The following ERBB4 variants were observed in gnomAD, a reference collection of about 807,000 sequenced individuals.
ERBB4 encodes erb-b2 receptor tyrosine kinase 4, also known as receptor tyrosine-protein kinase erbB-4.
In ERBB4, 42 loss-of-function variants were observed where a neutral mutation model predicts 158.0. The ratio of observed to expected loss-of-function variants is 0.27; its 90% CI spans 0.21 to 0.34. The LOEUF (loss-of-function observed/expected upper bound fraction) is 0.34. ERBB4 is among the 10% of genes least tolerant of loss of function. The pLI is 1.00. For missense variants in ERBB4, 1,333 were observed against 1,624.1 expected (o/e 0.82, Z 3.08); for synonymous variants, 583 against 558.7 (o/e 1.04, Z -0.61).
At chr2:212,504,599 G>A (rs534937505) in intron 1 of ERBB4, among the ~76,000 whole-genome samples, 1 of 152,148 alleles carries the variant, frequency 6.6e-6, no homozygotes. Flanking sequence ...CAATGTCAAC[G>A]TATATTAAAT....
chr2:211,679,122 C>G lies in ERBB4; in HGVS notation c.1552G>C (p.Asp518His), dbSNP rs2072232112. ...AAGCGGCGACACGACAGACATTGGT[C>G]TGGCCCAGGTCCCCAACAGCCATCA... Reference protein sequence around the residue: ...SSDGCWGPGPDQCLSCRRFSR... With the variant: ...SSDGCWGPGPHQCLSCRRFSR... Residue 518 changes from aspartate to histidine, a missense_variant, in exon 13 of 28, where the codon GAC becomes CAC. Coordinates refer to ENST00000342788, the MANE Select transcript of ERBB4 (RefSeq NM_005235.3). The G allele has an allele frequency of 6.2e-7, 1 of 1,613,984 alleles. No individual in the cohort carries two copies. Among genetic ancestry groups the G allele is most frequent in the Non-Finnish European group, 8.5e-7 (1 of 1,179,942 alleles).
At chr2:212,256,275 A>G (rs1206549085) in intron 1 of ERBB4, among the ~76,000 whole-genome samples, 1 of 152,212 alleles carries the variant, frequency 6.6e-6, no homozygotes, top group African/African-American at 2.4e-5. Context: ...ATTTTTATGA[A>G]CATTAATTTT....
intron 1 of ERBB4, among the ~76,000 whole-genome samples, chr2:212,537,158 C>T (rs955417823): frequency 8.8e-6 from 1 of 114,284 alleles, no homozygotes. Context: ...GGCGGCGGAG[C>T]GGGAAAACTA....
chr2:211,503,408 C>T (rs2065666478), intron 20 of ERBB4, among the ~76,000 whole-genome samples: 1 of 152,080 alleles, frequency 6.6e-6, no homozygotes, highest in South Asian at 2.1e-4. Context: ...ACCACATGTC[C>T]CCAGGCCCGC....
Position 211,486,959 on chromosome 2 carries a change from A to G in ERBB4, c.2488-55859T>C, listed in dbSNP as rs1164037732. ...TCATCAGATAATATATTCTTAAAATAATCTATTTTTCTTTAAAATATGTTT... is the reference window on the plus strand; with the variant it reads ...TCATCAGATAATATATTCTTAAAATGATCTATTTTTCTTTAAAATATGTTT... On this transcript the variant is annotated intron_variant, in intron 20 of 27. Transcript: ENST00000342788. 3.9e-5 allele frequency among the ~76,000 whole-genome samples: 6 copies of G among 152,008 alleles called. No homozygotes were observed. In the East Asian group the frequency reaches 9.6e-4, roughly 24 times the overall value.
chr2:212,344,307 T>A (rs1324660778), intron 1 of ERBB4, among the ~76,000 whole-genome samples: 3 of 152,140 alleles, frequency 2.0e-5, no homozygotes, highest in African/African-American at 7.2e-5. Context: ...CTGGCTGGCA[T>A]ACCAGTAGAT....
At chr2:212,038,491 C>T (rs1336876414) in intron 2 of ERBB4, among the ~76,000 whole-genome samples, 3 of 152,030 alleles carry the variant, frequency 2.0e-5, no homozygotes, top group Non-Finnish European at 4.4e-5. Context: ...ACAAAGAGGA[C>T]GGCTGTTCAA....
chr2:212,231,124 A>T (rs1019811587), intron 1 of ERBB4, among the ~76,000 whole-genome samples: 1 of 152,194 alleles, frequency 6.6e-6, no homozygotes, highest in Admixed American at 6.5e-5. Flanking sequence ...GTCTTCCAAA[A>T]GTAACTACTT....
intron 2 of ERBB4, chr2:211,960,784 T>C (rs2081161336): frequency 6.6e-6 from 1 of 152,090 alleles, no homozygotes. Context: ...GAGTCTACTC[T>C]TATGACTTAA....
At chr2:212,151,107 GCTTT>G (rs1185825294) in intron 1 of ERBB4, among the ~76,000 whole-genome samples, 6 of 151,710 alleles carry the variant, frequency 4.0e-5, no homozygotes, top group Non-Finnish European at 7.4e-5. Context: ...ACATAATTAA[GCTTT>G]CTAATTTGCT....
At chr2:211,585,176 C>A (rs2068231650) in intron 19 of ERBB4, among the ~76,000 whole-genome samples, 2 of 152,050 alleles carry the variant, frequency 1.3e-5, no homozygotes, top group South Asian at 4.2e-4. Flanking sequence ...CACGGTGAAA[C>A]CCCGTCTCTA....
intron 1 of ERBB4, among the ~76,000 whole-genome samples, chr2:212,173,023 G>A (rs2081565874): frequency 6.6e-6 from 1 of 152,062 alleles, no homozygotes; most frequent in Admixed American, 6.6e-5. Context: ...ATATTATTAT[G>A]TGGGAAATAT....
intron 4 of ERBB4, among the ~76,000 whole-genome samples, chr2:211,785,771 G>C (rs1211622310): frequency 1.3e-5 from 2 of 151,986 alleles, no homozygotes; most frequent in African/African-American, 4.8e-5. Context: ...GTATGAATAA[G>C]CATATTACTA....
intron 25 of ERBB4, among the ~76,000 whole-genome samples, chr2:211,388,203 A>T (rs2062727805): frequency 6.6e-6 from 1 of 152,222 alleles, no homozygotes; most frequent in African/African-American, 2.4e-5. Context: ...AAATATTTTA[A>T]TTCAATCCCT....
intron 1 of ERBB4, among the ~76,000 whole-genome samples, chr2:212,168,284 G>T (rs2081410556): frequency 6.6e-6 from 1 of 152,068 alleles, no homozygotes; most frequent in South Asian, 2.1e-4. Context: ...TAAAGGAAAA[G>T]AAATATTTCC....
At chr2:211,953,717 TA>T (rs1182283690) in intron 2 of ERBB4, among the ~76,000 whole-genome samples, 62 of 152,164 alleles carry the variant, frequency 4.1e-4, no homozygotes, top group African/African-American at 1.4e-3. Flanking sequence ...AATCGGATAT[TA>T]TTAAAGCCTT....
intron 1 of ERBB4, among the ~76,000 whole-genome samples, chr2:212,497,993 G>A (rs1690672476): frequency 6.6e-6 from 1 of 151,924 alleles, no homozygotes; most frequent in Admixed American, 6.6e-5. Flanking sequence ...CTTTAGATAG[G>A]ACCAGCACTC....
Position 211,840,123 on chromosome 2 carries a change from C to A in ERBB4, c.422-51964G>T, listed in dbSNP as rs182432273. Among the ~76,000 whole-genome samples the A allele has an allele frequency of 2.0e-5, 3 of 151,976 alleles. No individual in the cohort carries two copies. The South Asian group carries it at 6.2e-4, about 32-fold the overall frequency. On this transcript the variant is annotated intron_variant, in intron 3 of 27. Transcript: ENST00000342788. ...TGAATTGTAACTCCCATAATTCCCA[C>A]GTGTTGTGGGAGGGACCTGGTGGGA...
At chr2:211,448,822 T>C (rs2125471686) in intron 20 of ERBB4, among the ~76,000 whole-genome samples, 1 of 152,302 alleles carries the variant, frequency 6.6e-6, no homozygotes, top group South Asian at 2.1e-4. Context: ...CTTCTTTCTA[T>C]TGAGACAGTT....
Sources: allele counts gnomAD v4.1 joint callset (sites outside exome capture counted in the v4.1 genomes callset), GRCh38; gene constraint gnomAD v4.1.1; transcripts MANE v1.5; gene names NCBI Gene and HGNC (gene_info 2026-07-23, HGNC 2026-07-21).